Variants in SYT1 observed in about 807,000 individuals in gnomAD.
The protein encoded by SYT1 is synaptotagmin-1.
SYT1 carries 8 observed loss-of-function variants against 44.8 expected under a neutral mutation model. The ratio of observed to expected loss-of-function variants is 0.18; its 90% confidence interval spans 0.10 to 0.32. The LOEUF (loss-of-function observed/expected upper bound fraction) is 0.32, where lower values mean the gene tolerates loss of function less well. SYT1 is among the 10% of genes least tolerant of loss of function. The pLI, the probability that SYT1 is intolerant of heterozygous loss-of-function variation, is 1.00. For synonymous variants in SYT1, 154 were observed against 188.8 expected, an observed-to-expected ratio of 0.82 and a Z score of 1.51; for missense variants, 286 against 509.3, an observed-to-expected ratio of 0.56 and a Z score of 4.22.
At chr12:79,183,992 C>T (rs1053473706) in intron 3 of SYT1, among the ~76,000 whole-genome samples, 1 of 152,068 alleles carries the variant, frequency 6.6e-6, no homozygotes, top group Non-Finnish European at 1.5e-5. Flanking sequence ...ATTTTTCTAG[C>T]TACCTTCCTA....
chr12:79,150,220 C>T (rs1333235778), intron 3 of SYT1, among the ~76,000 whole-genome samples: 1 of 151,966 alleles, frequency 6.6e-6, no homozygotes, highest in Non-Finnish European at 1.5e-5. Context: ...TAGTCTCCAA[C>T]AGATGAATAA....
At chr12:79,214,092 C>G (rs1013977488) in intron 3 of SYT1, among the ~76,000 whole-genome samples, 1 of 152,138 alleles carries the variant, frequency 6.6e-6, no homozygotes, top group African/African-American at 2.4e-5. Flanking sequence ...ACAATATTAT[C>G]TCTCAAGATA....
chr12:79,380,851 A>G (rs1273809781), intron 9 of SYT1, among the ~76,000 whole-genome samples: 1 of 152,150 alleles, frequency 6.6e-6, no homozygotes, highest in Non-Finnish European at 1.5e-5. Flanking sequence ...AAGCCCTAGG[A>G]GTTTCCTGGG....
intron 8 of SYT1, among the ~76,000 whole-genome samples, chr12:79,300,823 A>ATATATATATATATT (rs1880114299): frequency 7.7e-6 from 1 of 129,274 alleles, no homozygotes; most frequent in Non-Finnish European, 1.6e-5. Context: ...ATATATATAT[A>ATATATATATATATT]TTTACTGTCT....
At chr12:79,179,043 TATAGATATATAG>T (rs1203300327) in intron 3 of SYT1, among the ~76,000 whole-genome samples, 2 of 112,274 alleles carry the variant, frequency 1.8e-5, no homozygotes, top group East Asian at 2.4e-4. Context: ...TAGATATAGA[TATAGATATATAG>T]ATATAGATAT....
intron 1 of SYT1, among the ~76,000 whole-genome samples, chr12:78,899,478 A>G (rs2137093151): frequency 6.6e-6 from 1 of 152,108 alleles, no homozygotes; most frequent in East Asian, 1.9e-4. Context: ...AATTTGTATT[A>G]AATACATATG....
chr12:79,438,365 A>T (rs976500719), intron 9 of SYT1, among the ~76,000 whole-genome samples: 9 of 152,194 alleles, frequency 5.9e-5, no homozygotes, highest in African/African-American at 2.2e-4. Context: ...GTGATAGTTC[A>T]TGCCACCTAG....
intron 2 of SYT1, among the ~76,000 whole-genome samples, chr12:79,007,190 T>C (rs890455981): frequency 6.6e-6 from 1 of 152,020 alleles, no homozygotes; most frequent in Non-Finnish European, 1.5e-5. Flanking sequence ...TGAGGGGAAA[T>C]TATATGACTA....
At chr12:79,171,393 G>T (rs559446706) in intron 3 of SYT1, among the ~76,000 whole-genome samples, 2 of 151,888 alleles carry the variant, frequency 1.3e-5, no homozygotes, top group Admixed American at 1.3e-4. Flanking sequence ...AGTTCTCCTT[G>T]TAGAGATCTT....
intron 9 of SYT1, among the ~76,000 whole-genome samples, chr12:79,406,112 A>G (rs1283871122): frequency 6.6e-6 from 1 of 152,154 alleles, no homozygotes. Flanking sequence ...TTGCTAATAT[A>G]ATTCTGTCAT....
At chr12:78,980,188 C>CA (rs5799406) in intron 2 of SYT1, among the ~76,000 whole-genome samples, 1 of 152,036 alleles carries the variant, frequency 6.6e-6, no homozygotes, top group African/African-American at 2.4e-5. Context: ...AGTTAGGGGA[C>CA]AAAGAACTGT....
chr12:79,043,120 G>C (rs956727680), intron 2 of SYT1, among the ~76,000 whole-genome samples: 1 of 151,030 alleles, frequency 6.6e-6, no homozygotes, highest in East Asian at 2.0e-4. Context: ...GGGGTGGAGG[G>C]TTCTGTAGAT....
At chr12:79,293,940 G>C (rs866104917) in intron 6 of SYT1, among the ~76,000 whole-genome samples, 2 of 152,072 alleles carry the variant, frequency 1.3e-5, no homozygotes, top group African/African-American at 4.8e-5. Context: ...TGAGCATCAG[G>C]ATTTGGTTAG....
At chr12:79,367,858 A>T (rs1406309739) in intron 9 of SYT1, among the ~76,000 whole-genome samples, 1 of 152,110 alleles carries the variant, frequency 6.6e-6, no homozygotes, top group Non-Finnish European at 1.5e-5. Flanking sequence ...GTGAAAAAAA[A>T]ATATTGCTTA....
intron 4 of SYT1, among the ~76,000 whole-genome samples, chr12:79,256,258 A>G (rs1398629374): frequency 1.3e-5 from 2 of 152,246 alleles, no homozygotes; most frequent in Non-Finnish European, 2.9e-5. Flanking sequence ...AATATTTGCA[A>G]TGCCAATTTT....
chr12:79,036,349 T>C (rs1873133065), intron 2 of SYT1: 1 of 151,828 alleles, frequency 6.6e-6, no homozygotes. Flanking sequence ...GTGTCAGTAA[T>C]TGCCAGATGG....
intron 9 of SYT1, among the ~76,000 whole-genome samples, chr12:79,416,180 A>C (rs903874697): frequency 6.6e-6 from 1 of 152,220 alleles, no homozygotes; most frequent in Admixed American, 6.6e-5. Flanking sequence ...TGCTGACAGC[A>C]ATGCAGATAG....
At chr12:79,342,410 T>A (rs1337356934) in intron 8 of SYT1, among the ~76,000 whole-genome samples, 1 of 152,030 alleles carries the variant, frequency 6.6e-6, no homozygotes, top group Non-Finnish European at 1.5e-5. Flanking sequence ...TTTTTGTTTT[T>A]TGTAGAGATA....
intron 4 of SYT1, among the ~76,000 whole-genome samples, chr12:79,226,154 T>C (rs150321081): frequency 2.6e-5 from 2 of 76,692 alleles, no homozygotes; most frequent in Non-Finnish European, 5.4e-5. Context: ...GCTGACAAAT[T>C]TAAGCATCTT....
Sources: gnomAD v4.1 joint callset for allele counts (sites outside exome capture counted in the v4.1 genomes callset) on GRCh38, gnomAD v4.1.1 for gene constraint, MANE v1.5 for transcripts, NCBI Gene and HGNC (gene_info 2026-07-23, HGNC 2026-07-21) for gene names.